CREBBP: variants seen among roughly 807,000 people sequenced by gnomAD.
CREBBP encodes CREB binding lysine acetyltransferase, also known as CREB-binding protein.
CREBBP carries 19 observed loss-of-function variants against 265.0 expected under a neutral mutation model. The observed-to-expected ratio is 0.07, with a 90% confidence interval of 0.05 to 0.11. The LOEUF (loss-of-function observed/expected upper bound fraction) is 0.11. Ranked by LOEUF, CREBBP falls within the 10% of genes least tolerant of loss-of-function variation. The pLI is 1.00. For synonymous variants in CREBBP, 1,457 were observed against 1,223.7 expected (o/e 1.19, Z -3.98); for missense variants, 2,525 against 3,219.0 (o/e 0.78, Z 5.22).
intron 3 of CREBBP, among the ~76,000 whole-genome samples, chr16:3,801,961 C>CCACT (rs2053722588): frequency 6.6e-6 from 1 of 151,942 alleles, no homozygotes; most frequent in African/African-American, 2.4e-5. Context: ...CTCACTGAGC[C>CCACT]CACTCACCCC....
intron 2 of CREBBP, among the ~76,000 whole-genome samples, chr16:3,818,836 G>A (rs2054089110): frequency 6.6e-6 from 1 of 152,194 alleles, no homozygotes; most frequent in Non-Finnish European, 1.5e-5. Flanking sequence ...AAAGACAAGT[G>A]GAGAAATAAG....
At chr16:3,874,451 G>C (rs781046483) in intron 1 of CREBBP, among the ~76,000 whole-genome samples, 13 of 152,172 alleles carry the variant, frequency 8.5e-5, no homozygotes, top group African/African-American at 3.1e-4. Context: ...GCCCATGGGC[G>C]AAGTCCTCAG....
intron 14 of CREBBP, 60 bp downstream of exon 14, chr16:3,770,510 T>C: frequency 6.3e-7 from 1 of 1,587,656 alleles, no homozygotes; most frequent in Non-Finnish European, 8.6e-7. Context: ...ACACAATTTT[T>C]ATGGGAAAAT....
intron 3 of CREBBP, among the ~76,000 whole-genome samples, chr16:3,806,874 G>C (rs1400520780): frequency 6.6e-6 from 1 of 152,038 alleles, no homozygotes; most frequent in African/African-American, 2.4e-5. Context: ...ACGCAAGCCA[G>C]TGCTGTCCCA....
At chr16:3,760,404 T>TTTTTTTG (rs1232575427) in intron 16 of CREBBP, among the ~76,000 whole-genome samples, 8 of 130,264 alleles carry the variant, frequency 6.1e-5, no homozygotes, top group Non-Finnish European at 1.3e-4. Flanking sequence ...TTTTTTTTTT[T>TTTTTTTG]TTTTTTTTTT....
At chr16:3,797,651 G>A (rs1287647855) in intron 3 of CREBBP, among the ~76,000 whole-genome samples, 1 of 151,968 alleles carries the variant, frequency 6.6e-6, no homozygotes, top group East Asian at 1.9e-4. Context: ...CTTATTTTGT[G>A]ATTGCTGGTA....
intron 2 of CREBBP, among the ~76,000 whole-genome samples, chr16:3,841,967 C>T (rs955970758): frequency 6.6e-6 from 1 of 152,184 alleles, no homozygotes; most frequent in Non-Finnish European, 1.5e-5. Context: ...TTTATAGTAT[C>T]TGACCAAAAT....
chr16:3,838,958 G>C (rs1437038131), intron 2 of CREBBP, among the ~76,000 whole-genome samples: 1 of 152,102 alleles, frequency 6.6e-6, no homozygotes, highest in East Asian at 1.9e-4. Flanking sequence ...ACAGCACCTC[G>C]CTAGTTCACT....
chr16:3,823,309 A>T (rs1177182234), intron 2 of CREBBP, among the ~76,000 whole-genome samples: 1 of 152,236 alleles, frequency 6.6e-6, no homozygotes. Flanking sequence ...TCTACTTAAA[A>T]CATTAAACTG....
chr16:3,777,016 T>C (rs939551202), intron 11 of CREBBP, among the ~76,000 whole-genome samples: 2 of 143,504 alleles, frequency 1.4e-5, no homozygotes, highest in Admixed American at 7.2e-5. Flanking sequence ...AGGCTCTGTC[T>C]CAAAAAAATA....
At position 3,751,974 on chromosome 16, in the gene CREBBP, G is replaced by T. The variant is rs529227907; in HGVS notation, c.3699-168C>A. On this transcript the variant is annotated intron_variant, in intron 19 of 30. Transcript: ENST00000262367. ...AATGAAAGGAACAGGGGGCAGGTGG[G>T]GAAAGGCAGGATTAGAGAACAGGGA... 6 of 692,460 alleles carry T rather than the reference G, an allele frequency of 8.7e-6. No homozygotes were observed. The African/African-American group carries it at 1.1e-4, about 12-fold the overall frequency. The allele number at this position is 692,460 out of a possible 1,614,324, so 42.9% of individuals were successfully genotyped here.
intron 26 of CREBBP, among the ~76,000 whole-genome samples, chr16:3,737,536 C>G (rs1015100342): frequency 6.7e-6 from 1 of 149,604 alleles, no homozygotes; most frequent in African/African-American, 2.5e-5. Context: ...CTCGACTCAG[C>G]GCATCCTCTG....
In CREBBP at chr16:3,725,368, T is replaced by C; in HGVS notation, c.*2350A>G. 4.3e-6 allele frequency: 1 copy of C among 233,278 alleles called. No individual in the cohort carries two copies. Among genetic ancestry groups the C allele is most frequent in the Non-Finnish European group, 8.5e-6 (1 of 118,050 alleles). 14.5% of individuals were successfully genotyped at this position (233,278 alleles called of 1,614,324 possible). ...CAGGATAACCTGAAACAGAGGCCCCTCCACTGCCCACATTAAAAGGCTGCA... is the reference window on the plus strand; with the variant it reads ...CAGGATAACCTGAAACAGAGGCCCCCCCACTGCCCACATTAAAAGGCTGCA... On this transcript the variant is annotated 3_prime_UTR_variant, in exon 31 of 31. Coordinates refer to ENST00000262367, the MANE Select transcript of CREBBP (RefSeq NM_004380.3).
intron 2 of CREBBP, among the ~76,000 whole-genome samples, chr16:3,820,836 C>A (rs1244708312): frequency 6.6e-6 from 1 of 152,324 alleles, no homozygotes; most frequent in East Asian, 1.9e-4. Context: ...TACACACACA[C>A]ACAGCCACGA....
At chr16:3,773,696 C>T in intron 13 of CREBBP, 55 bp downstream of exon 13, 1 of 1,583,642 alleles carries the variant, frequency 6.3e-7, no homozygotes, top group Non-Finnish European at 8.6e-7. Flanking sequence ...AAAACCAAAA[C>T]TTAACACAAG....
chr16:3,869,215 A>G (rs2055242298), intron 1 of CREBBP, among the ~76,000 whole-genome samples: 1 of 152,174 alleles, frequency 6.6e-6, no homozygotes, highest in South Asian at 2.1e-4. Context: ...GTCAATGCAC[A>G]GTATGTCCCC....
At chr16:3,730,119 T>A (rs1339453465) in intron 30 of CREBBP, among the ~76,000 whole-genome samples, 1 of 152,118 alleles carries the variant, frequency 6.6e-6, no homozygotes, top group Non-Finnish European at 1.5e-5. Flanking sequence ...GACGGGGGCA[T>A]GGACTGCCTA....
intron 3 of CREBBP, among the ~76,000 whole-genome samples, chr16:3,807,528 A>G (rs1450752269): frequency 3.3e-5 from 5 of 152,346 alleles, no homozygotes; most frequent in African/African-American, 9.6e-5. Context: ...AAAGACTACA[A>G]AACACATCTG....
intron 2 of CREBBP, among the ~76,000 whole-genome samples, chr16:3,822,599 C>A (rs555033650): frequency 6.6e-6 from 1 of 152,084 alleles, no homozygotes. Flanking sequence ...CTCCTCATGG[C>A]GAATCTCCTG....
Sources: gnomAD v4.1 joint callset for allele counts (sites outside exome capture counted in the v4.1 genomes callset) on GRCh38, gnomAD v4.1.1 for gene constraint, MANE v1.5 for transcripts, NCBI Gene and HGNC (gene_info 2026-07-23, HGNC 2026-07-21) for gene names.